The following PTPRD variants were observed in gnomAD, a reference collection of about 807,000 sequenced individuals.
PTPRD encodes the protein receptor-type tyrosine-protein phosphatase delta.
A neutral mutation model predicts 214.5 loss-of-function variants in PTPRD; 34 were observed. The observed-to-expected ratio is 0.16, with a 90% CI of 0.12 to 0.21. The LOEUF (loss-of-function observed/expected upper bound fraction) is 0.21. Ranked by LOEUF, PTPRD falls within the 10% of genes least tolerant of loss-of-function variation. The pLI is 1.00. For synonymous variants in PTPRD, 1,128 were observed against 845.7 expected, an observed-to-expected ratio of 1.33 and a Z score of -5.79; for missense variants, 2,545 against 2,398.7, an observed-to-expected ratio of 1.06 and a Z score of -1.27.
intron 36 of PTPRD, among the ~76,000 whole-genome samples, chr9:8,391,139 AT>A (rs140311395): frequency 7.0e-4 from 105 of 149,924 alleles, no homozygotes; most frequent in East Asian, 2.0e-3. Flanking sequence ...CGGGGTAACC[AT>A]TTTTTTTTTC....
chr9:9,392,183 G>T (rs940387882), intron 9 of PTPRD, among the ~76,000 whole-genome samples: 1 of 152,190 alleles, frequency 6.6e-6, no homozygotes, highest in Non-Finnish European at 1.5e-5. Context: ...AGCGAGAGCA[G>T]TGTGCTACAT....
intron 3 of PTPRD, among the ~76,000 whole-genome samples, chr9:10,180,705 A>T (rs568895119): frequency 2.0e-5 from 3 of 151,722 alleles, no homozygotes; most frequent in Non-Finnish European, 2.9e-5. Context: ...GTATATTATT[A>T]AAATGTCATC....
chr9:10,361,878 T>C (rs901945413), intron 2 of PTPRD, among the ~76,000 whole-genome samples: 2 of 152,336 alleles, frequency 1.3e-5, no homozygotes, highest in Admixed American at 6.5e-5. Context: ...CATGGAGACA[T>C]GAGCAAGGCT....
intron 10 of PTPRD, among the ~76,000 whole-genome samples, chr9:9,088,089 C>A (rs556963789): frequency 8.0e-4 from 121 of 151,152 alleles, no homozygotes; most frequent in African/African-American, 2.4e-3. Context: ...ACCAAGTTGT[C>A]CAGGCTGGTC....
intron 2 of PTPRD, among the ~76,000 whole-genome samples, chr9:10,475,530 T>G (rs1380769552): frequency 6.6e-6 from 1 of 152,084 alleles, no homozygotes; most frequent in Non-Finnish European, 1.5e-5. Flanking sequence ...ACCAGATGGA[T>G]TCACAGCCGA....
intron 39 of PTPRD, among the ~76,000 whole-genome samples, chr9:8,359,696 C>A (rs1363606225): frequency 6.6e-6 from 1 of 152,006 alleles, no homozygotes; most frequent in African/African-American, 2.4e-5. Flanking sequence ...TCTGAGCCAC[C>A]CATCAAGCCA....
At chr9:9,237,314 C>T (rs1489308409) in intron 9 of PTPRD, among the ~76,000 whole-genome samples, 1 of 152,064 alleles carries the variant, frequency 6.6e-6, no homozygotes, top group Non-Finnish European at 1.5e-5. Context: ...CTTGTAATCC[C>T]AGTACTTTGG....
chr9:10,140,045 A>C (rs148511827), intron 3 of PTPRD, among the ~76,000 whole-genome samples: 1 of 152,160 alleles, frequency 6.6e-6, no homozygotes, highest in African/African-American at 2.4e-5. Context: ...GTGGGGCCTA[A>C]CTAAATTAAA....
At chr9:8,844,827 C>T (rs2154537621) in intron 11 of PTPRD, among the ~76,000 whole-genome samples, 1 of 152,296 alleles carries the variant, frequency 6.6e-6, no homozygotes, top group South Asian at 2.1e-4. Context: ...ACCCCCATCT[C>T]CTACTTTGGT....
intron 10 of PTPRD, among the ~76,000 whole-genome samples, chr9:9,133,019 G>A (rs1418945458): frequency 6.6e-6 from 1 of 152,130 alleles, no homozygotes; most frequent in Non-Finnish European, 1.5e-5. Flanking sequence ...TACTCTAAGG[G>A]TAGTGATTTC....
chr9:8,873,204 A>C (rs1000418144), intron 11 of PTPRD, among the ~76,000 whole-genome samples: 1 of 152,182 alleles, frequency 6.6e-6, no homozygotes, highest in African/African-American at 2.4e-5. Context: ...CAGCTCTTCA[A>C]AGACAGTCAA....
At chr9:8,802,524 G>T (rs2096592572) in intron 11 of PTPRD, among the ~76,000 whole-genome samples, 1 of 152,202 alleles carries the variant, frequency 6.6e-6, no homozygotes, top group African/African-American at 2.4e-5. Flanking sequence ...GTAATAGCCT[G>T]TGCCTAAGGG....
chr9:8,417,160 G>C (rs1285525240), intron 35 of PTPRD, among the ~76,000 whole-genome samples: 3 of 152,018 alleles, frequency 2.0e-5, no homozygotes, highest in Non-Finnish European at 4.4e-5. Flanking sequence ...TGAAAGACAA[G>C]CCACAGCTTT....
chr9:9,371,121 G>T (rs1031077217), intron 9 of PTPRD, among the ~76,000 whole-genome samples: 33 of 152,064 alleles, frequency 2.2e-4, no homozygotes, highest in Non-Finnish European at 4.4e-4. Flanking sequence ...GATGATGCTG[G>T]CTTCATAAAA....
chr9:9,706,736 G>A (rs540921110), intron 7 of PTPRD, among the ~76,000 whole-genome samples: 3 of 151,880 alleles, frequency 2.0e-5, no homozygotes, highest in East Asian at 1.9e-4. Context: ...CACCATGCCT[G>A]GCCTACTAAC....
intron 3 of PTPRD, among the ~76,000 whole-genome samples, chr9:10,217,245 A>G (rs1321306444): frequency 6.6e-6 from 1 of 151,774 alleles, no homozygotes; most frequent in Non-Finnish European, 1.5e-5. Context: ...CACATCTAGT[A>G]TCAGCATTAC....
At chr9:9,122,330 T>C (rs1451835682) in intron 10 of PTPRD, among the ~76,000 whole-genome samples, 1 of 152,204 alleles carries the variant, frequency 6.6e-6, no homozygotes, top group African/African-American at 2.4e-5. Context: ...TCTATTTTAT[T>C]TTGTTTATTT....
chr9:10,082,086 A>G (rs1348959734), intron 3 of PTPRD, among the ~76,000 whole-genome samples: 2 of 152,074 alleles, frequency 1.3e-5, no homozygotes, highest in Non-Finnish European at 2.9e-5. Flanking sequence ...GGAAGATGCA[A>G]ATGTGTTGGC....
In PTPRD at chr9:10,014,608, GAC is replaced by G. The variant is rs200646922; in HGVS notation, c.-472+19108_-472+19109del. 6.6e-3 allele frequency among the ~76,000 whole-genome samples: 999 copies of G among 152,002 alleles called. 8 individuals are homozygous for G. Among genetic ancestry groups the G allele is most frequent in the African/African-American group, 0.022 (928 of 41,482 alleles). ...TCAGTATATTTTACTTTATTGAAAA[GAC>G]ACAGCCTCAACAAGTCATAAATGAC... is the stretch of plus-strand genomic sequence containing the variant. On this transcript the variant is annotated intron_variant, in intron 4 of 45. Coordinates refer to ENST00000381196, the MANE Select transcript of PTPRD (RefSeq NM_002839.4).
Sources: gnomAD v4.1 joint callset for allele counts (sites outside exome capture counted in the v4.1 genomes callset) on GRCh38, gnomAD v4.1.1 for gene constraint, MANE v1.5 for transcripts, NCBI Gene and HGNC (gene_info 2026-07-23, HGNC 2026-07-21) for gene names.